The following PHACTR3 variants were observed in gnomAD, a reference collection of about 807,000 sequenced individuals.
PHACTR3 encodes the protein phosphatase and actin regulator 3, also known as protein phosphatase 1, regulatory subunit 123.
PHACTR3 carries 16 observed loss-of-function variants against 66.8 expected under a neutral mutation model. The observed-to-expected ratio is 0.24, with a 90% confidence interval of 0.16 to 0.36. The LOEUF (loss-of-function observed/expected upper bound fraction) is 0.36. Among genes scored for constraint, PHACTR3 ranks in the 10% least tolerant of loss-of-function variants. The pLI is 1.00. For synonymous variants in PHACTR3, 323 were observed against 292.1 expected (o/e 1.11, Z -1.08); for missense variants, 647 against 719.9 (o/e 0.90, Z 1.16).
intron 1 of PHACTR3, among the ~76,000 whole-genome samples, chr20:59,660,265 T>C (rs943095585): frequency 6.6e-6 from 1 of 152,120 alleles, no homozygotes; most frequent in South Asian, 2.1e-4. Context: ...GAGGCTGAGG[T>C]GGGCAGATCA....
At chr20:59,628,359 T>G (rs1489526537) in intron 1 of PHACTR3, 1 of 152,590 alleles carries the variant, frequency 6.6e-6, no homozygotes, top group Non-Finnish European at 1.5e-5. Context: ...GGCTTTGTGC[T>G]TCTCGGGGAC....
At chr20:59,705,588 A>C (rs1296694867) in intron 1 of PHACTR3, among the ~76,000 whole-genome samples, 1 of 152,098 alleles carries the variant, frequency 6.6e-6, no homozygotes, top group Non-Finnish European at 1.5e-5. Context: ...GGTTCTCTTC[A>C]GTTCTCTGAG....
chr20:59,599,871 C>A (rs1568925154), upstream of PHACTR3, among the ~76,000 whole-genome samples: 1 of 152,130 alleles, frequency 6.6e-6, no homozygotes, highest in Non-Finnish European at 1.5e-5. Context: ...AGGATGATTT[C>A]CAGCCTCCTG....
rs538804892 is a variant in PHACTR3, at chr20:59,771,832, C to A, written c.752-1447C>A. Reference sequence around the variant, plus strand: ...GTTTCCTTTTGGGTTTTGAGGAATACTTTTTATTGATGCTGTCCACATCCC... The same window carrying A: ...GTTTCCTTTTGGGTTTTGAGGAATAATTTTTATTGATGCTGTCCACATCCC... On this transcript the variant is annotated intron_variant, in intron 5 of 12. Transcript: ENST00000371015. Among the ~76,000 whole-genome samples, 4 of 152,318 alleles carry A rather than the reference C, an allele frequency of 2.6e-5. No homozygotes were observed. The South Asian group carries it at 6.2e-4, about 24-fold the overall frequency.
At chr20:59,613,842 T>A (rs1357750950) in intron 1 of PHACTR3, among the ~76,000 whole-genome samples, 1 of 152,266 alleles carries the variant, frequency 6.6e-6, no homozygotes, top group Non-Finnish European at 1.5e-5. Context: ...CTAAACATTA[T>A]GTCCATTCAA....
upstream of PHACTR3, among the ~76,000 whole-genome samples, chr20:59,600,988 C>T (rs6064816): frequency 8.9e-3 from 1,341 of 151,360 alleles, 9 homozygotes; most frequent in Middle Eastern, 0.014. Context: ...ATTTACATAT[C>T]ATTAAGTTCA....
chr20:59,824,778 T>TG (rs898206098), intron 8 of PHACTR3, among the ~76,000 whole-genome samples: 43 of 151,176 alleles, frequency 2.8e-4, no homozygotes, highest in Non-Finnish European at 5.3e-4. Flanking sequence ...GCCCCACCAG[T>TG]GGGGGGGCGG....
At chr20:59,825,661 A>AGTCGG (rs1027244197) in intron 8 of PHACTR3, among the ~76,000 whole-genome samples, 31 of 152,272 alleles carry the variant, frequency 2.0e-4, no homozygotes, top group Admixed American at 1.9e-3. Flanking sequence ...CAGCTGGAGG[A>AGTCGG]GTCGGGGTGG....
At chr20:59,655,284 A>G (rs2035581198) in intron 1 of PHACTR3, among the ~76,000 whole-genome samples, 1 of 151,986 alleles carries the variant, frequency 6.6e-6, no homozygotes, top group African/African-American at 2.4e-5. Flanking sequence ...ATATAGCTTT[A>G]TTGAGATACA....
At position 59,654,616 on chromosome 20, in the gene PHACTR3, T is replaced by G. The variant is rs1429276463; in HGVS notation, c.118+49484T>G. On this transcript the variant is annotated intron_variant, in intron 1 of 12. Transcript: ENST00000371015. The stretch of plus-strand genomic sequence containing the variant: ...AATTAAGCCTGAATGTGACCAAGCT[T>G]TTAAATTTTACTACCAGTTTTCAGG... 2.0e-5 allele frequency among the ~76,000 whole-genome samples: 3 copies of G among 152,152 alleles called. No individual in the cohort carries two copies. The East Asian group carries it at 5.8e-4, about 29-fold the overall frequency.
At chr20:59,821,991 T>TTCCCCAGCAATCCCACCCCC (rs2042045676) in intron 8 of PHACTR3, among the ~76,000 whole-genome samples, 1 of 32,098 alleles carries the variant, frequency 3.1e-5, no homozygotes, top group South Asian at 1.4e-3. Flanking sequence ...ATCCCACCCC[T>TTCCCCAGCAATCCCACCCCC]TCCCCAGCAA....
chr20:59,676,696 G>T, intron 1 of PHACTR3: 1 of 985,278 alleles, frequency 1.0e-6, no homozygotes. Context: ...GACTCCAGAA[G>T]CCCGCGGGGA....
At position 59,738,268 on chromosome 20, in the gene PHACTR3, A is replaced by G. The variant is rs2039026460; in HGVS notation, c.119-4839A>G. Among the ~76,000 whole-genome samples the G allele has an allele frequency of 6.6e-6, 1 of 152,134 alleles. No homozygotes were observed. ...TGGTCCCAGCCCCCATGTTCTTCAC[A>G]GCTACGTCACACTGGCTTCCATGGC... On this transcript the variant is annotated intron_variant, in intron 1 of 12. Transcript: ENST00000371015. This position sits in a 1 kb window ranked among gnomAD's most constrained non-coding sequence, Gnocchi z 4.4.
rs6015578 is a variant in PHACTR3, at chr20:59,766,220, T to C, written c.542-966T>C. On this transcript the variant is annotated intron_variant, in intron 4 of 12. Coordinates refer to ENST00000371015, the MANE Select transcript of PHACTR3 (RefSeq NM_080672.5). ...GGGACAGAAAGGGCTTGAGCAGTCA[T>C]GCAGAGCACCTGCAGGAGGAAGCTC... Among the ~76,000 whole-genome samples, 1,357 of 152,290 alleles carry C rather than the reference T, an allele frequency of 8.9e-3. 22 individuals are homozygous for C. Among genetic ancestry groups the C allele is most frequent in the African/African-American group, 0.031 (1,294 of 41,562 alleles).
intron 9 of PHACTR3, among the ~76,000 whole-genome samples, chr20:59,837,371 T>C (rs1009178698): frequency 6.6e-6 from 1 of 152,208 alleles, no homozygotes; most frequent in Non-Finnish European, 1.5e-5. Flanking sequence ...TATGAAGTTA[T>C]AATGGTACCA....
intron 1 of PHACTR3, among the ~76,000 whole-genome samples, chr20:59,632,881 C>T (rs749860795): frequency 6.6e-6 from 1 of 152,232 alleles, no homozygotes; most frequent in Admixed American, 6.5e-5. Context: ...GATTCTGCCT[C>T]ACTGAAAGCT....
chr20:59,778,949 C>G (rs931801976), intron 7 of PHACTR3, among the ~76,000 whole-genome samples: 2 of 152,198 alleles, frequency 1.3e-5, no homozygotes, highest in Non-Finnish European at 2.9e-5. Flanking sequence ...CTGTCGTGAA[C>G]GTGGCCCAGG....
chr20:59,685,620 C>T (rs1331856197), intron 1 of PHACTR3, among the ~76,000 whole-genome samples: 2 of 152,224 alleles, frequency 1.3e-5, no homozygotes, highest in Non-Finnish European at 2.9e-5. Context: ...GGCCTCTGCT[C>T]ACATAGCTGG....
chr20:59,722,412 C>T (rs1332764504), intron 1 of PHACTR3, among the ~76,000 whole-genome samples: 4 of 152,134 alleles, frequency 2.6e-5, no homozygotes, highest in South Asian at 2.1e-4. Flanking sequence ...TTGGAAGGCC[C>T]TGAGGCAGCA....
Sources: allele counts gnomAD v4.1 joint callset (sites outside exome capture counted in the v4.1 genomes callset), GRCh38; gene constraint gnomAD v4.1.1; non-coding constraint Gnocchi (gnomAD v3.1); transcripts MANE v1.5; gene names NCBI Gene and HGNC (gene_info 2026-07-23, HGNC 2026-07-21).